Variants in MED23 observed in about 807,000 individuals in gnomAD.
MED23 encodes the protein mediator of RNA polymerase II transcription subunit 23.
A neutral mutation model predicts 163.9 loss-of-function variants in MED23; 105 were observed. The ratio of observed to expected loss-of-function variants is 0.64; its 90% CI spans 0.55 to 0.75. The LOEUF is 0.75. Among genes scored for constraint, MED23 ranks in the 30% least tolerant of loss-of-function variants. MED23 has a pLI of 0.00. For missense variants in MED23, 1,054 were observed against 1,649.0 expected (o/e 0.64, Z 6.25); for synonymous variants, 561 against 565.6 (o/e 0.99, Z 0.12).
In MED23 at chr6:131,618,539, G is replaced by T; in HGVS notation, c.668-20C>A. 6.5e-7 allele frequency: 1 copy of T among 1,534,894 alleles called. No homozygotes were observed. The highest frequency in any genetic ancestry group is 1.1e-5 in the South Asian group (1 of 89,280). ...AGCGACCTGTATGTATTACAAAAAT[G>T]TTTTTAAGTAAATGTGAACACAGCA... On this transcript the variant is annotated intron_variant, in intron 8 of 28. Transcript: ENST00000368068.
In MED23 at chr6:131,598,628, G is replaced by A. The variant is rs924609151; in HGVS notation, c.2354C>T (p.Ser785Phe). 1.2e-5 allele frequency: 20 copies of A among 1,613,996 alleles called. No homozygotes were observed. Among genetic ancestry groups the A allele is most frequent in the Non-Finnish European group, 1.6e-5 (19 of 1,180,024 alleles). Residue 785 changes from serine to phenylalanine, a missense_variant, in exon 19 of 29, where the codon TCC (serine) becomes TTC (phenylalanine). Ser to Phe is a radical substitution (Grantham distance 155, BLOSUM62 -2). Coordinates refer to ENST00000368068, the MANE Select transcript of MED23 (RefSeq NM_004830.4). This position sits in a 1 kb window ranked among gnomAD's most constrained non-coding sequence, Gnocchi z 4.7. ...DIITHFSMQGSPPLFLCLLWK... is the reference protein window; with the variant it reads ...DIITHFSMQGFPPLFLCLLWK... ...GAGAAGACAAAGAAAGAGAGGAGGG[G>A]AGCCCTGCATAGAGAAGTGGGTAAT...
At chr6:131,580,713 A>T (rs942156351) in intron 30 of MED23, among the ~76,000 whole-genome samples, 1 of 152,160 alleles carries the variant, frequency 6.6e-6, no homozygotes, top group Non-Finnish European at 1.5e-5. Context: ...GAAGAACTTG[A>T]GTAAGAACAT....
At chr6:131,592,583 A>G in intron 24 of MED23, 123 bp from the exon 25 acceptor site, 1 of 836,976 alleles carries the variant, frequency 1.2e-6, no homozygotes, top group Non-Finnish European at 2.0e-6. Flanking sequence ...CATTTCAATA[A>G]AACAATGGGG....
chr6:131,586,877 T>A lies in MED23; in HGVS notation c.*802A>T, dbSNP rs1013345126. ...GTACTGTATTTACAAATATAAAATT[T>A]AAAAATTTTAAGATTATAAAAATTG... On this transcript the variant is annotated 3_prime_UTR_variant, in exon 29 of 29. Transcript: ENST00000368068. 4.0e-5 allele frequency: 58 copies of A among 1,456,256 alleles called. No individual in the cohort carries two copies. The highest frequency in any genetic ancestry group is 3.9e-4 in the Middle Eastern group (2 of 5,194). The allele number at this position is 1,456,256 out of a possible 1,614,324, so 90.2% of individuals were successfully genotyped here. A position where few individuals can be genotyped will look rare whatever the true frequency, so the allele number is the denominator to read the frequency against.
At chr6:131,580,547 A>G (rs748407823) in intron 30 of MED23, among the ~76,000 whole-genome samples, 19 of 152,170 alleles carry the variant, frequency 1.2e-4, no homozygotes, top group South Asian at 2.1e-4. Context: ...CAACCTAATA[A>G]ATCCTAACTT....
intron 12 of MED23, 61 bp from the exon 13 acceptor site, chr6:131,606,685 G>C: frequency 7.4e-7 from 1 of 1,343,710 alleles, no homozygotes; most frequent in Non-Finnish European, 1.0e-6. Context: ...AAATAATTAT[G>C]TGTATTTTAG....
At chr6:131,575,980 C>T (rs961271655) in intron 30 of MED23, among the ~76,000 whole-genome samples, 1 of 152,188 alleles carries the variant, frequency 6.6e-6, no homozygotes, top group Admixed American at 6.5e-5. Flanking sequence ...AGTACATGCA[C>T]GTAGGTCTCT....
At position 131,620,619 on chromosome 6, in the gene MED23, A is replaced by G; in HGVS notation, c.597+9T>C. On this transcript the variant is annotated intron_variant, in intron 7 of 28. Coordinates refer to ENST00000368068, the MANE Select transcript of MED23 (RefSeq NM_004830.4). ...TTTTTATTAAAAATTCAGGAAATAT[A>G]AAATTTACCCAGTGTGGAAGTTTGC... 1 of 1,591,964 alleles carries G rather than the reference A, an allele frequency of 6.3e-7. No homozygotes were observed. Among genetic ancestry groups the G allele is most frequent in the Non-Finnish European group, 8.6e-7 (1 of 1,160,834 alleles).
downstream of MED23, chr6:131,584,365 C>T (rs545874005): frequency 4.8e-4 from 62 of 129,194 alleles, no homozygotes; most frequent in African/African-American, 1.7e-3. Context: ...ATACATGCAA[C>T]ACACACACAC....
intron 18 of MED23, 76 bp downstream of exon 18, chr6:131,599,962 A>T: frequency 2.6e-6 from 4 of 1,534,646 alleles, no homozygotes; most frequent in Non-Finnish European, 3.6e-6. Context: ...AGTCACCAAG[A>T]CTCACTCTAG....
At chr6:131,574,233 G>T in exon 31 of MED23, 1 of 1,603,984 alleles carries the variant, frequency 6.2e-7, no homozygotes. Flanking sequence ...AGGTTTCTCA[G>T]GATCTGGGCA....
downstream of MED23, chr6:131,583,575 C>T (rs1383329988): frequency 1.1e-5 from 18 of 1,568,010 alleles, no homozygotes; most frequent in Non-Finnish European, 1.4e-5. Context: ...AAACCAAGTC[C>T]CAGCTGACAC....
At chr6:131,625,220 T>C (rs950045065) in intron 3 of MED23, among the ~76,000 whole-genome samples, 1 of 152,242 alleles carries the variant, frequency 6.6e-6, no homozygotes, top group African/African-American at 2.4e-5. Flanking sequence ...CCATTTTTAT[T>C]ACATGGGAAC....
intron 9 of MED23, among the ~76,000 whole-genome samples, chr6:131,617,044 T>C (rs1376072199): frequency 6.6e-6 from 1 of 151,604 alleles, no homozygotes; most frequent in Non-Finnish European, 1.5e-5. Context: ...GTTATATTTG[T>C]TAATTTTGCC....
intron 10 of MED23, 64 bp downstream of exon 10, chr6:131,615,838 CAAAGA>C: frequency 8.5e-7 from 1 of 1,177,756 alleles, no homozygotes; most frequent in African/African-American, 1.5e-5. Context: ...TTAGCTATAG[CAAAGA>C]AAAGAGAAAA....
intron 26 of MED23, 53 bp from the exon 27 acceptor site, chr6:131,590,495 G>GAACAAAATTCAAAC: frequency 1.4e-6 from 2 of 1,412,184 alleles, no homozygotes; most frequent in Non-Finnish European, 2.0e-6. Context: ...TAAATTGTTT[G>GAACAAAATTCAAAC]AATTTTGTTC....
intron 30 of MED23, among the ~76,000 whole-genome samples, chr6:131,576,288 A>G (rs1773609192): frequency 6.6e-6 from 1 of 152,198 alleles, no homozygotes; most frequent in African/African-American, 2.4e-5. Flanking sequence ...CCTTTTCATT[A>G]TTGGATCTCA....
downstream of MED23, chr6:131,582,535 C>A (rs574637756): frequency 1.0e-6 from 1 of 976,270 alleles, no homozygotes; most frequent in Non-Finnish European, 1.7e-6. Flanking sequence ...ATAAGATATA[C>A]GCAATCCAAT....
At chr6:131,603,577 T>C (rs1276146097) in intron 15 of MED23, among the ~76,000 whole-genome samples, 1 of 152,204 alleles carries the variant, frequency 6.6e-6, no homozygotes, top group Non-Finnish European at 1.5e-5. Flanking sequence ...AAAATTGTAT[T>C]ATACCTGCCC....
Sources: gnomAD v4.1 joint callset for allele counts (sites outside exome capture counted in the v4.1 genomes callset) on GRCh38, gnomAD v4.1.1 for gene constraint, Gnocchi (gnomAD v3.1) non-coding constraint, MANE v1.5 for transcripts, NCBI Gene and HGNC (gene_info 2026-07-23, HGNC 2026-07-21) for gene names.